MMS22L: variants seen among roughly 807,000 people sequenced by gnomAD.
MMS22L encodes protein MMS22-like.
MMS22L carries 74 observed loss-of-function variants against 159.1 expected under a neutral mutation model. That is an observed-to-expected ratio of 0.47 (90% CI 0.39 to 0.56). The LOEUF is 0.56. Ranked by LOEUF, MMS22L falls within the 20% of genes least tolerant of loss-of-function variation. The pLI is 0.00. For synonymous variants in MMS22L, 517 were observed against 506.9 expected (o/e 1.02, Z -0.27); for missense variants, 1,351 against 1,422.1 (o/e 0.95, Z 0.80).
chr6:97,198,028 G>A (rs1806725938), intron 14 of MMS22L, among the ~76,000 whole-genome samples: 1 of 152,108 alleles, frequency 6.6e-6, no homozygotes, highest in African/African-American at 2.4e-5. Context: ...GAGATCCTGT[G>A]ACTGATTTGA....
chr6:97,228,869 A>G (rs1418122830), intron 14 of MMS22L, 25 bp downstream of exon 14: 2 of 1,565,080 alleles, frequency 1.3e-6, no homozygotes, highest in South Asian at 2.4e-5. Flanking sequence ...CAAATCATAA[A>G]TTAGCATACA....
chr6:97,232,580 T>C (rs1457754651), intron 12 of MMS22L, among the ~76,000 whole-genome samples: 1 of 152,080 alleles, frequency 6.6e-6, no homozygotes, highest in Non-Finnish European at 1.5e-5. Context: ...GCAATGGACA[T>C]TCCTTCAGGT....
chr6:97,226,944 C>T (rs545894815), intron 14 of MMS22L, among the ~76,000 whole-genome samples: 1 of 152,136 alleles, frequency 6.6e-6, no homozygotes, highest in South Asian at 2.1e-4. Flanking sequence ...TCCAAATGTT[C>T]CCTGGGGGAC....
intron 14 of MMS22L, among the ~76,000 whole-genome samples, chr6:97,198,498 C>T (rs944829738): frequency 1.2e-4 from 19 of 152,048 alleles, no homozygotes; most frequent in African/African-American, 4.6e-4. Flanking sequence ...GTTTTACCCA[C>T]TATGTTATTA....
At chr6:97,270,407 C>A (rs2128089479) in intron 6 of MMS22L, 2 of 383,256 alleles carry the variant, frequency 5.2e-6, no homozygotes, top group Middle Eastern at 9.0e-4. Flanking sequence ...AACAAAAGAA[C>A]TTTAGACTGT....
intron 20 of MMS22L, among the ~76,000 whole-genome samples, chr6:97,166,754 T>C (rs920670410): frequency 5.9e-5 from 9 of 152,092 alleles, no homozygotes; most frequent in Non-Finnish European, 1.3e-4. Context: ...AAATGGACTG[T>C]TTGGGTTTAA....
chr6:97,264,419 C>T (rs1814853182), intron 8 of MMS22L: 1 of 151,684 alleles, frequency 6.6e-6, no homozygotes, highest in East Asian at 1.9e-4. Flanking sequence ...AGAATGTACA[C>T]TATATTTGCA....
chr6:97,144,733 A>AT lies in MMS22L; in HGVS notation c.*2072dup, dbSNP rs1800816531. 6.6e-6 allele frequency: 1 copy of AT among 152,066 alleles called. No individual in the cohort carries two copies. The highest frequency in any genetic ancestry group is 2.4e-5 in the African/African-American group (1 of 41,402). The allele number at this position is 152,066 out of a possible 1,614,324, so 9.4% of individuals were successfully genotyped here. A position where few individuals can be genotyped will look rare whatever the true frequency, so the allele number is the denominator to read the frequency against. The stretch of plus-strand genomic sequence containing the variant: ...AGTAATAAGTGAAGGATCAGTGAAG[A>AT]TTTTAAAAAAAAGGAACTGAGCCAT... On this transcript the variant is annotated 3_prime_UTR_variant, in exon 25 of 25. Coordinates refer to ENST00000683635, the MANE Select transcript of MMS22L (RefSeq NM_001350599.2).
At chr6:97,274,782 A>T (rs546131233) in intron 4 of MMS22L, among the ~76,000 whole-genome samples, 1 of 152,324 alleles carries the variant, frequency 6.6e-6, no homozygotes, top group South Asian at 2.1e-4. Flanking sequence ...TTAAGTATCG[A>T]TCTGTTCAAG....
rs370285246 is a variant in MMS22L, at chr6:97,246,578, A to C, written c.1182+50T>G. On this transcript the variant is annotated intron_variant, in intron 11 of 24. Transcript: ENST00000683635. Reference sequence around the variant, plus strand: ...GCTTGGTTTTAAAAATAAAATTTGTAACATAAAAATTAAGCAAAATCCACA... The same window carrying C: ...GCTTGGTTTTAAAAATAAAATTTGTCACATAAAAATTAAGCAAAATCCACA... The C allele has an allele frequency of 1.7e-5, 24 of 1,444,500 alleles. No individual in the cohort carries two copies. In the African/African-American group the frequency reaches 3.4e-4, roughly 21 times the overall value. The allele number at this position is 1,444,500 out of a possible 1,614,324, so 89.5% of individuals were successfully genotyped here.
chr6:97,167,943 T>C, intron 20 of MMS22L, 128 bp downstream of exon 20: 1 of 828,624 alleles, frequency 1.2e-6, no homozygotes, highest in South Asian at 2.2e-5. Flanking sequence ...ATATGTTCAA[T>C]AAATGTGCCA....
intron 11 of MMS22L, among the ~76,000 whole-genome samples, chr6:97,244,561 CAGA>C (rs1236036517): frequency 1.3e-5 from 2 of 152,146 alleles, no homozygotes; most frequent in African/African-American, 2.4e-5. Context: ...AAAGAGCAGG[CAGA>C]AGAACATGAA....
chr6:97,222,093 G>C (rs1047160477), intron 14 of MMS22L, among the ~76,000 whole-genome samples: 2 of 151,580 alleles, frequency 1.3e-5, no homozygotes, highest in African/African-American at 4.8e-5. Context: ...CTCCTTTTTT[G>C]CCTAGGCAAT....
At chr6:97,233,357 T>C (rs1811068172) in intron 12 of MMS22L, among the ~76,000 whole-genome samples, 1 of 152,116 alleles carries the variant, frequency 6.6e-6, no homozygotes, top group African/African-American at 2.4e-5. Context: ...ATTCTACTCA[T>C]TCCCAAAGCC....
intron 14 of MMS22L, among the ~76,000 whole-genome samples, chr6:97,228,567 T>C (rs1344963015): frequency 6.6e-6 from 1 of 152,220 alleles, no homozygotes; most frequent in Non-Finnish European, 1.5e-5. Context: ...GTGTATAAGA[T>C]GTATGTGAAA....
In MMS22L at chr6:97,229,051, T is replaced by G; in HGVS notation, c.1882A>C (p.Ile628Leu). Reference protein sequence around the residue: ...QTIWTLLSIYIDGVQEVFETS... With the variant: ...QTIWTLLSIYLDGVQEVFETS... ...TCAAACACTTCTTGAACACCATCAA[T>G]GTATATGGAAAGAAGGGTCCAGATA... Residue 628 changes from isoleucine to leucine, a missense_variant, in exon 14 of 25, where the codon ATT (isoleucine) becomes CTT (leucine). Ile to Leu is a conservative substitution (Grantham distance 5). Coordinates refer to ENST00000683635, the MANE Select transcript of MMS22L (RefSeq NM_001350599.2). 1 of 1,614,126 alleles carries G rather than the reference T, an allele frequency of 6.2e-7. No individual in the cohort carries two copies. Among genetic ancestry groups the G allele is most frequent in the African/African-American group, 1.3e-5 (1 of 75,042 alleles).
chr6:97,240,224 A>T (rs1000892334), intron 11 of MMS22L, among the ~76,000 whole-genome samples: 1 of 152,260 alleles, frequency 6.6e-6, no homozygotes, highest in African/African-American at 2.4e-5. Flanking sequence ...ATAGAATATA[A>T]TTTGATACAA....
intron 19 of MMS22L, among the ~76,000 whole-genome samples, chr6:97,170,084 T>G (rs901739975): frequency 6.6e-6 from 1 of 152,194 alleles, no homozygotes; most frequent in Non-Finnish European, 1.5e-5. Flanking sequence ...TAAACTCTTA[T>G]GTGCCTTATT....
At chr6:97,173,685 T>A (rs1271052001) in intron 18 of MMS22L, among the ~76,000 whole-genome samples, 2 of 152,078 alleles carry the variant, frequency 1.3e-5, no homozygotes, top group African/African-American at 4.8e-5. Flanking sequence ...TCAGCTTTAT[T>A]ATATGAATTC....
Sources: allele counts gnomAD v4.1 joint callset (sites outside exome capture counted in the v4.1 genomes callset), GRCh38; gene constraint gnomAD v4.1.1; transcripts MANE v1.5; gene names NCBI Gene and HGNC (gene_info 2026-07-23, HGNC 2026-07-21).